GYS2: variants seen among roughly 807,000 people sequenced by gnomAD.
GYS2 encodes the protein glycogen synthase 2.
Under a neutral mutation model 85.6 loss-of-function variants are expected in GYS2, and 80 were observed. The observed-to-expected ratio is 0.93, with a 90% CI of 0.78 to 1.13. GYS2 has a LOEUF of 1.13. Ranked by LOEUF, GYS2 falls within the 50% of genes most tolerant of loss-of-function variation. GYS2 has a pLI of 0.00. For missense variants in GYS2, 881 were observed against 854.9 expected, an observed-to-expected ratio of 1.03 and a Z score of -0.38; for synonymous variants, 328 against 300.7, an observed-to-expected ratio of 1.09 and a Z score of -0.94.
chr12:21,594,052 C>G (rs1944668825), intron 1 of GYS2, among the ~76,000 whole-genome samples: 1 of 152,144 alleles, frequency 6.6e-6, no homozygotes, highest in Non-Finnish European at 1.5e-5. Flanking sequence ...ATTTAACATT[C>G]CTTCATGATA....
chr12:21,556,246 G>A (rs748433588), intron 11 of GYS2, among the ~76,000 whole-genome samples: 1 of 151,902 alleles, frequency 6.6e-6, no homozygotes, highest in African/African-American at 2.4e-5. Flanking sequence ...TGGCACAATC[G>A]CAGCCTCTAC....
chr12:21,600,383 C>T (rs1033648004), intron 1 of GYS2, among the ~76,000 whole-genome samples: 2 of 152,148 alleles, frequency 1.3e-5, no homozygotes, highest in African/African-American at 4.8e-5. Flanking sequence ...CCACCTCAGC[C>T]TTGAAAAGTG....
At chr12:21,581,362 T>C (rs1401364445) in intron 1 of GYS2, among the ~76,000 whole-genome samples, 4 of 152,182 alleles carry the variant, frequency 2.6e-5, no homozygotes, top group Non-Finnish European at 5.9e-5. Context: ...TTCCAGACAC[T>C]GTATGGAAAA....
At position 21,553,235 on chromosome 12, in the gene GYS2, C is replaced by A. The variant is rs140721628; in HGVS notation, c.1422+4965G>T. On this transcript the variant is annotated intron_variant, in intron 11 of 15. Transcript: ENST00000261195. ...TGGCCTATGTCTAATTTAATCCTTA[C>A]AGTTCTATGAGTGTGGGGTTATTTT... Among the ~76,000 whole-genome samples the A allele has an allele frequency of 6.9e-4, 105 of 152,292 alleles. 1 individual carries two copies. The East Asian group carries it at 0.018, about 26-fold the overall frequency.
intron 1 of GYS2, among the ~76,000 whole-genome samples, chr12:21,598,101 A>T (rs893039866): frequency 6.6e-6 from 1 of 152,074 alleles, no homozygotes; most frequent in Non-Finnish European, 1.5e-5. Flanking sequence ...GGAAACAGGC[A>T]GTTAGATAGA....
chr12:21,587,192 G>A (rs1944583545), intron 1 of GYS2, among the ~76,000 whole-genome samples: 1 of 152,132 alleles, frequency 6.6e-6, no homozygotes, highest in African/African-American at 2.4e-5. Flanking sequence ...GAGAAAGGTG[G>A]GAGGATAGGA....
intron 1 of GYS2, among the ~76,000 whole-genome samples, chr12:21,581,620 C>T (rs932054474): frequency 2.6e-5 from 4 of 152,176 alleles, no homozygotes; most frequent in African/African-American, 9.7e-5. Context: ...TTCCTTAATT[C>T]TCTCCTCTAA....
At chr12:21,563,696 C>A (rs150416158) in intron 5 of GYS2, among the ~76,000 whole-genome samples, 18 of 152,226 alleles carry the variant, frequency 1.2e-4, no homozygotes, top group African/African-American at 4.1e-4. Context: ...TAGAGTGTAA[C>A]TCAATCTCTT....
At chr12:21,554,587 T>G (rs1944155082) in intron 11 of GYS2, among the ~76,000 whole-genome samples, 1 of 152,130 alleles carries the variant, frequency 6.6e-6, no homozygotes, top group Non-Finnish European at 1.5e-5. Flanking sequence ...TTTATTGTAA[T>G]CACTCCTATA....
At chr12:21,582,531 A>G (rs1239862088) in intron 1 of GYS2, among the ~76,000 whole-genome samples, 1 of 152,120 alleles carries the variant, frequency 6.6e-6, no homozygotes, top group Non-Finnish European at 1.5e-5. Context: ...GACCTTGTGA[A>G]CATGTGAGTC....
intron 4 of GYS2, among the ~76,000 whole-genome samples, chr12:21,570,546 G>T (rs1039872828): frequency 6.6e-6 from 1 of 152,178 alleles, no homozygotes; most frequent in Admixed American, 6.5e-5. Context: ...TCTCCAAATT[G>T]GTTGGATGAA....
intron 1 of GYS2, among the ~76,000 whole-genome samples, chr12:21,589,874 C>G (rs1260536835): frequency 6.6e-6 from 1 of 152,150 alleles, no homozygotes; most frequent in African/African-American, 2.4e-5. Flanking sequence ...GAGAGCCCAA[C>G]ACCCACCAGA....
chr12:21,556,812 C>T (rs552057508), intron 11 of GYS2, among the ~76,000 whole-genome samples: 1 of 152,194 alleles, frequency 6.6e-6, no homozygotes, highest in African/African-American at 2.4e-5. Context: ...ACCTTTTCTA[C>T]ATGCAACCGT....
At chr12:21,559,930 G>A (rs982137378) in intron 8 of GYS2, among the ~76,000 whole-genome samples, 1 of 152,174 alleles carries the variant, frequency 6.6e-6, no homozygotes, top group African/African-American at 2.4e-5. Context: ...CCAGCACAAA[G>A]AGCTTAAAAT....
At chr12:21,566,052 G>A (rs1944316846) in intron 5 of GYS2, among the ~76,000 whole-genome samples, 1 of 152,098 alleles carries the variant, frequency 6.6e-6, no homozygotes, top group Non-Finnish European at 1.5e-5. Flanking sequence ...TTATCATACT[G>A]CCTTCTCTCC....
intron 7 of GYS2, among the ~76,000 whole-genome samples, chr12:21,562,260 CTT>C (rs1189004910): frequency 6.6e-6 from 1 of 152,074 alleles, no homozygotes; most frequent in African/African-American, 2.4e-5. Context: ...GTTTAAAACT[CTT>C]AGTCGCAGGG....
At chr12:21,600,279 T>C (rs930310481) in intron 1 of GYS2, among the ~76,000 whole-genome samples, 2 of 152,064 alleles carry the variant, frequency 1.3e-5, no homozygotes, top group African/African-American at 4.8e-5. Context: ...TGAGCCTCCA[T>C]GGCCAGCTAG....
chr12:21,537,276 A>G (rs1943921304), intron 15 of GYS2, 101 bp from the exon 16 acceptor site: 4 of 821,956 alleles, frequency 4.9e-6, no homozygotes, highest in Non-Finnish European at 8.3e-6. Flanking sequence ...GTAGTTATCT[A>G]TCTTTTGTAG....
intron 15 of GYS2, chr12:21,537,420 A>C (rs577832091): frequency 1.9e-5 from 10 of 516,118 alleles, no homozygotes; most frequent in Non-Finnish European, 3.5e-5. Context: ...TTATCATCTT[A>C]TCTTTTAACA....
Sources: gnomAD v4.1 joint callset for allele counts (sites outside exome capture counted in the v4.1 genomes callset) on GRCh38, gnomAD v4.1.1 for gene constraint, MANE v1.5 for transcripts, NCBI Gene and HGNC (gene_info 2026-07-23, HGNC 2026-07-21) for gene names.